The following AKR1C3 variants were observed in gnomAD, a reference collection of about 807,000 sequenced individuals.
The protein encoded by AKR1C3 is aldo-keto reductase family 1 member C3, also known as 3-alpha hydroxysteroid dehydrogenase, type II.
A neutral mutation model predicts 43.6 loss-of-function variants in AKR1C3; 48 were observed. The ratio of observed to expected loss-of-function variants is 1.10; its 90% CI spans 0.87 to 1.40. The LOEUF (loss-of-function observed/expected upper bound fraction) is 1.40, where lower values mean the gene tolerates loss of function less well. Among genes scored for constraint, AKR1C3 ranks in the 40% most tolerant of loss-of-function variants. AKR1C3 has a pLI of 0.00. For missense variants in AKR1C3, 482 were observed against 391.2 expected (o/e 1.23, Z -1.96); for synonymous variants, 162 against 139.6 (o/e 1.16, Z -1.13).
chr10:5,056,891 A>G (rs977493375), intron 1 of AKR1C3, among the ~76,000 whole-genome samples: 3 of 152,240 alleles, frequency 2.0e-5, no homozygotes, highest in Admixed American at 6.5e-5. Flanking sequence ...CTGTCCCAGG[A>G]TTCCTCGGAT....
At chr10:5,102,752 C>T (rs1470389043) in intron 7 of AKR1C3, 102 bp downstream of exon 7, 1 of 1,506,998 alleles carries the variant, frequency 6.6e-7, no homozygotes, top group Non-Finnish European at 8.9e-7. Flanking sequence ...CTCCATTTCC[C>T]TGTATTTCCC....
intron 1 of AKR1C3, among the ~76,000 whole-genome samples, chr10:5,079,984 TAATG>T (rs1237357110): frequency 6.6e-6 from 1 of 152,082 alleles, no homozygotes; most frequent in African/African-American, 2.4e-5. Flanking sequence ...TAAAGCGAAA[TAATG>T]AATCAGAGTC....
chr10:5,052,040 C>T (rs7921957), intron 1 of AKR1C3, among the ~76,000 whole-genome samples: 85,606 of 152,018 alleles, frequency 0.56, 25,011 homozygotes, highest in East Asian at 0.79. Flanking sequence ...CGTGGACCCT[C>T]GCAGTGTTAC....
intron 8 of AKR1C3, among the ~76,000 whole-genome samples, chr10:5,106,044 A>ACCTGCTCAGCT (rs1839492334): frequency 6.6e-6 from 1 of 152,162 alleles, no homozygotes; most frequent in Non-Finnish European, 1.5e-5. Context: ...ATTGTCCCAA[A>ACCTGCTCAGCT]CCTGCTCAGC....
chr10:5,081,404 C>G (rs906924887), intron 1 of AKR1C3, among the ~76,000 whole-genome samples: 2 of 152,132 alleles, frequency 1.3e-5, no homozygotes, highest in East Asian at 3.8e-4. Context: ...CTTATGTGGC[C>G]AAAATGCTTG....
intron 7 of AKR1C3, among the ~76,000 whole-genome samples, chr10:5,104,674 CT>C (rs1554786794): frequency 6.6e-6 from 1 of 152,106 alleles, no homozygotes; most frequent in Non-Finnish European, 1.5e-5. Flanking sequence ...GTGAAGAGAA[CT>C]TTTTGACAAT....
At chr10:5,076,578 T>G (rs1173740590) in intron 1 of AKR1C3, among the ~76,000 whole-genome samples, 1 of 152,218 alleles carries the variant, frequency 6.6e-6, no homozygotes, top group Non-Finnish European at 1.5e-5. Context: ...CATCTACATT[T>G]TTCTTTGCTT....
intron 1 of AKR1C3, among the ~76,000 whole-genome samples, chr10:5,064,545 T>C (rs1838455058): frequency 6.6e-6 from 1 of 151,990 alleles, no homozygotes. Context: ...CCTAATAAAC[T>C]AAACAGCTTC....
At chr10:5,062,231 C>T (rs1327413694) in intron 1 of AKR1C3, among the ~76,000 whole-genome samples, 2 of 152,208 alleles carry the variant, frequency 1.3e-5, no homozygotes, top group Admixed American at 1.3e-4. Flanking sequence ...CACCTTAACC[C>T]CATCAAAGAG....
chr10:5,086,507 A>G (rs960536698), intron 1 of AKR1C3, among the ~76,000 whole-genome samples: 24 of 151,704 alleles, frequency 1.6e-4, no homozygotes, highest in Non-Finnish European at 2.8e-4. Context: ...TATGTGGTCA[A>G]TTTTGGAGTA....
intron 1 of AKR1C3, among the ~76,000 whole-genome samples, chr10:5,061,068 G>A (rs573615905): frequency 1.3e-5 from 2 of 152,324 alleles, no homozygotes; most frequent in African/African-American, 2.4e-5. Flanking sequence ...TCTGGCCTTG[G>A]CCAGCCCAGA....
At chr10:5,076,679 G>T (rs1242557267) in intron 1 of AKR1C3, among the ~76,000 whole-genome samples, 2 of 152,044 alleles carry the variant, frequency 1.3e-5, no homozygotes, top group Admixed American at 1.3e-4. Context: ...ATTTCCTTCT[G>T]TTGTTTTTGG....
upstream of AKR1C3, among the ~76,000 whole-genome samples, chr10:5,091,429 C>G (rs1173055093): frequency 6.6e-6 from 1 of 152,136 alleles, no homozygotes; most frequent in African/African-American, 2.4e-5. Flanking sequence ...GAACATATCT[C>G]TAATGTTAGG....
chr10:5,067,579 A>C (rs1311848289), intron 1 of AKR1C3, among the ~76,000 whole-genome samples: 1 of 151,612 alleles, frequency 6.6e-6, no homozygotes, highest in East Asian at 1.9e-4. Context: ...CTGTTATAAC[A>C]CCAGCCCTCT....
intron 1 of AKR1C3, among the ~76,000 whole-genome samples, chr10:5,053,453 C>T (rs550927111): frequency 2.7e-4 from 41 of 152,366 alleles, no homozygotes; most frequent in African/African-American, 9.1e-4. Flanking sequence ...CAAGGCCATG[C>T]GCAGCCCCAG....
chr10:5,059,875 T>C (rs1377336842), intron 1 of AKR1C3, among the ~76,000 whole-genome samples: 1 of 152,212 alleles, frequency 6.6e-6, no homozygotes, highest in Non-Finnish European at 1.5e-5. Context: ...TTGGTCTCAC[T>C]GACTTCAAGA....
chr10:5,099,691 G>C, intron 5 of AKR1C3: 1 of 588,536 alleles, frequency 1.7e-6, no homozygotes, highest in Non-Finnish European at 2.8e-6. Flanking sequence ...AGGTCCATTT[G>C]ATCAGGGAGG....
intron 1 of AKR1C3, among the ~76,000 whole-genome samples, chr10:5,056,271 A>G (rs1345084796): frequency 2.0e-5 from 3 of 152,152 alleles, no homozygotes; most frequent in Non-Finnish European, 2.9e-5. Flanking sequence ...TCAAAGGCAA[A>G]GAGGAACTGG....
At chr10:5,057,975 C>A (rs149953976) in intron 1 of AKR1C3, among the ~76,000 whole-genome samples, 5,404 of 152,232 alleles carry the variant, frequency 0.035, 123 homozygotes, top group Middle Eastern at 0.061. Flanking sequence ...TTCCCCAGGT[C>A]TGCCTTGATC....
Sources: allele counts gnomAD v4.1 joint callset (sites outside exome capture counted in the v4.1 genomes callset), GRCh38; gene constraint gnomAD v4.1.1; transcripts MANE v1.5; gene names NCBI Gene and HGNC (gene_info 2026-07-23, HGNC 2026-07-21).